LPP: variants seen among roughly 807,000 people sequenced by gnomAD.
LPP encodes lipoma-preferred partner.
In LPP, 38 loss-of-function variants were observed where a neutral mutation model predicts 60.4. The observed-to-expected ratio is 0.63, with a 90% CI of 0.49 to 0.83. The LOEUF (loss-of-function observed/expected upper bound fraction) is 0.83, where lower values mean the gene tolerates loss of function less well. LPP is among the 40% of genes least tolerant of loss of function. The probability of loss-of-function intolerance (pLI) is 0.00; values close to 1 mark genes in which losing one functional copy is unlikely to be tolerated. For synonymous variants in LPP, 328 were observed against 290.8 expected, an observed-to-expected ratio of 1.13 and a Z score of -1.30; for missense variants, 902 against 783.6, an observed-to-expected ratio of 1.15 and a Z score of -1.80.
At chr3:188,367,969 A>T (rs1771714267) in intron 3 of LPP, among the ~76,000 whole-genome samples, 1 of 152,210 alleles carries the variant, frequency 6.6e-6, no homozygotes, top group South Asian at 2.1e-4. Flanking sequence ...ATCTTATAAT[A>T]ATCTTGTGTG....
chr3:188,637,363 A>T (rs758510563), intron 7 of LPP, among the ~76,000 whole-genome samples: 2 of 152,192 alleles, frequency 1.3e-5, no homozygotes, highest in Non-Finnish European at 2.9e-5. Flanking sequence ...CATTCAAAAC[A>T]GTGTGTAGAG....
chr3:188,851,280 A>G (rs1762615564), intron 9 of LPP, among the ~76,000 whole-genome samples: 1 of 152,216 alleles, frequency 6.6e-6, no homozygotes, highest in Non-Finnish European at 1.5e-5. Flanking sequence ...ATTTTTTTGT[A>G]TAATTAAATA....
At chr3:188,837,464 A>G (rs1057355048) in intron 9 of LPP, among the ~76,000 whole-genome samples, 9 of 151,748 alleles carry the variant, frequency 5.9e-5, no homozygotes, top group African/African-American at 2.2e-4. Flanking sequence ...TATTCCTACT[A>G]TCAGGCCCAA....
chr3:188,609,449 T>C lies in LPP; in HGVS notation c.718T>C (p.Ser240Pro), dbSNP rs973241255. The C allele has an allele frequency of 1.9e-6, 3 of 1,614,154 alleles. No homozygotes were observed. The highest frequency in any genetic ancestry group is 1.1e-5 in the South Asian group (1 of 91,076). ...PSPHYMAAPS[S>P]GQIYGSGPQG... ...CCCTCATTATATGGCTGCCCCTTCA[T>C]CAGGACAAATTTATGGCTCAGGGCC... Residue 240 changes from serine (S) to proline (P), a missense_variant, in exon 7 of 12, where the codon TCA (serine) becomes CCA (proline). By Grantham distance (74) the Ser-to-Pro change is moderately conservative. Transcript: ENST00000617246. The surrounding 1 kb of genome is among the most constrained non-coding windows in gnomAD (Gnocchi z 6.9).
At chr3:188,290,229 G>A (rs1267446464) in intron 2 of LPP, among the ~76,000 whole-genome samples, 1 of 152,148 alleles carries the variant, frequency 6.6e-6, no homozygotes, top group Non-Finnish European at 1.5e-5. Flanking sequence ...GACTGCCTTA[G>A]CCTCCCAAAG....
intron 2 of LPP, among the ~76,000 whole-genome samples, chr3:188,292,483 C>T (rs1366116213): frequency 7.9e-5 from 12 of 152,122 alleles, no homozygotes; most frequent in Middle Eastern, 3.2e-3. Context: ...CTGGACATGT[C>T]GTCAGAATAT....
chr3:188,589,730 A>G (rs6444307), intron 6 of LPP, among the ~76,000 whole-genome samples: 49,528 of 152,140 alleles, frequency 0.33, 8,931 homozygotes, highest in Non-Finnish European at 0.41. Context: ...TATTTTAAAA[A>G]CAAATCATAA....
chr3:188,250,724 C>T (rs139973644), intron 2 of LPP, among the ~76,000 whole-genome samples: 1,309 of 118,390 alleles, frequency 0.011, 35 homozygotes, highest in African/African-American at 0.04. Flanking sequence ...CTTTCTTTCT[C>T]TCTTTCTTTC....
At chr3:188,759,858 G>A (rs1731569756) in intron 8 of LPP, among the ~76,000 whole-genome samples, 2 of 152,124 alleles carry the variant, frequency 1.3e-5, no homozygotes, top group South Asian at 4.1e-4. Context: ...GTTCCTTTCT[G>A]CAAGAACTTA....
At chr3:188,258,824 A>G (rs1417138608) in intron 2 of LPP, among the ~76,000 whole-genome samples, 2 of 152,144 alleles carry the variant, frequency 1.3e-5, no homozygotes, top group East Asian at 3.8e-4. Flanking sequence ...CAATCTTATG[A>G]TGTTACCATT....
At chr3:188,745,141 A>C (rs116083955) in intron 8 of LPP, among the ~76,000 whole-genome samples, 146 of 152,206 alleles carry the variant, frequency 9.6e-4, no homozygotes, top group African/African-American at 3.4e-3. Context: ...ATGACTCTCA[A>C]GATATTTCTG....
intron 2 of LPP, among the ~76,000 whole-genome samples, chr3:188,248,668 G>A: frequency 6.6e-6 from 1 of 151,430 alleles, no homozygotes. Flanking sequence ...TATCCAAGAA[G>A]GAGACTTCAA....
At chr3:188,381,214 G>A (rs1021513861) in intron 3 of LPP, among the ~76,000 whole-genome samples, 3 of 152,144 alleles carry the variant, frequency 2.0e-5, no homozygotes, top group African/African-American at 7.2e-5. Context: ...AGATTATGAG[G>A]CTTTAACACA....
chr3:188,655,218 T>C (rs1258289914), intron 7 of LPP, among the ~76,000 whole-genome samples: 1 of 152,132 alleles, frequency 6.6e-6, no homozygotes, highest in Non-Finnish European at 1.5e-5. Flanking sequence ...TTGATATGCA[T>C]GTAAAATAGG....
chr3:188,577,733 C>G (rs1433108615), intron 6 of LPP, among the ~76,000 whole-genome samples: 1 of 133,634 alleles, frequency 7.5e-6, no homozygotes, highest in Admixed American at 8.1e-5. Flanking sequence ...CTTTGGTTTC[C>G]TTCCTTCCTT....
intron 3 of LPP, among the ~76,000 whole-genome samples, chr3:188,379,622 C>G (rs1776312629): frequency 6.6e-6 from 1 of 152,162 alleles, no homozygotes; most frequent in African/African-American, 2.4e-5. Flanking sequence ...ACTTTATAAT[C>G]TGTGAAGTTG....
chr3:188,471,744 T>G (rs1801900759), intron 4 of LPP, among the ~76,000 whole-genome samples: 1 of 152,210 alleles, frequency 6.6e-6, no homozygotes, highest in Non-Finnish European at 1.5e-5. Flanking sequence ...ATTTTACTTA[T>G]AAATGGTGTA....
chr3:188,555,029 G>T (rs1487842794), intron 6 of LPP, among the ~76,000 whole-genome samples: 3 of 152,076 alleles, frequency 2.0e-5, no homozygotes, highest in East Asian at 1.9e-4. Flanking sequence ...GCACAAAGTG[G>T]TTAAGAAAAG....
At chr3:188,322,294 A>T (rs1331868431) in intron 2 of LPP, among the ~76,000 whole-genome samples, 1 of 152,164 alleles carries the variant, frequency 6.6e-6, no homozygotes, top group African/African-American at 2.4e-5. Context: ...TGAACATATG[A>T]CTTATAGGCC....
Sources: allele counts gnomAD v4.1 joint callset (sites outside exome capture counted in the v4.1 genomes callset), GRCh38; gene constraint gnomAD v4.1.1; non-coding constraint Gnocchi (gnomAD v3.1); transcripts MANE v1.5; gene names NCBI Gene and HGNC (gene_info 2026-07-23, HGNC 2026-07-21).